The following PRPSAP2 variants were observed in gnomAD, a reference collection of about 807,000 sequenced individuals.
PRPSAP2 encodes the protein phosphoribosyl pyrophosphate synthase-associated protein 2.
PRPSAP2 carries 24 observed loss-of-function variants against 40.6 expected under a neutral mutation model. The observed-to-expected ratio is 0.59, with a 90% CI of 0.43 to 0.83. The LOEUF (loss-of-function observed/expected upper bound fraction) is 0.83, where lower values mean the gene tolerates loss of function less well. Among genes scored for constraint, PRPSAP2 ranks in the 40% least tolerant of loss-of-function variants. The probability of loss-of-function intolerance (pLI) is 0.00; values close to 1 mark genes in which losing one functional copy is unlikely to be tolerated. For missense variants in PRPSAP2, 292 were observed against 465.6 expected (o/e 0.63, Z 3.43); for synonymous variants, 149 against 164.7 (o/e 0.90, Z 0.73).
chr17:18,919,734 G>C (rs2151966327), intron 9 of PRPSAP2, among the ~76,000 whole-genome samples: 1 of 152,300 alleles, frequency 6.6e-6, no homozygotes, highest in East Asian at 1.9e-4. Context: ...TTTTAATTGA[G>C]TGATGATTTT....
At chr17:18,920,123 G>A (rs1204387942) in intron 9 of PRPSAP2, among the ~76,000 whole-genome samples, 1 of 152,182 alleles carries the variant, frequency 6.6e-6, no homozygotes, top group Non-Finnish European at 1.5e-5. Context: ...TGCAAGGGCT[G>A]GCTGGGACCA....
intron 3 of PRPSAP2, among the ~76,000 whole-genome samples, chr17:18,866,693 A>C (rs1168040573): frequency 1.3e-5 from 2 of 152,172 alleles, no homozygotes; most frequent in African/African-American, 4.8e-5. Context: ...GTTGGGGATT[A>C]TCAGTGAGTC....
At position 18,930,739 on chromosome 17, in the gene PRPSAP2, A is replaced by C. The variant is rs781305792; in HGVS notation, c.*41A>C. On this transcript the variant is annotated 3_prime_UTR_variant, in exon 12 of 12. Coordinates refer to ENST00000268835, the MANE Select transcript of PRPSAP2 (RefSeq NM_002767.4). ...AACTCCCGAGGGCCAAACTGGAAAC[A>C]TAAGAGTGACTGCTCGGTGGGATGG... The C allele has an allele frequency of 6.4e-7, 1 of 1,556,702 alleles. No individual in the cohort carries two copies. Among genetic ancestry groups the C allele is most frequent in the East Asian group, 2.3e-5 (1 of 44,304 alleles).
chr17:18,917,780 C>T (rs1343041861), intron 9 of PRPSAP2, among the ~76,000 whole-genome samples: 5 of 150,338 alleles, frequency 3.3e-5, no homozygotes, highest in South Asian at 2.1e-4. Context: ...GGGAAGTGGG[C>T]GCTGAGGAGA....
chr17:18,919,333 G>T (rs1166341995), intron 9 of PRPSAP2, among the ~76,000 whole-genome samples: 2 of 152,106 alleles, frequency 1.3e-5, no homozygotes, highest in African/African-American at 2.4e-5. Flanking sequence ...ATGGCGAAAC[G>T]CTGTCTCTAC....
chr17:18,913,638 C>G (rs1256004426), intron 9 of PRPSAP2, among the ~76,000 whole-genome samples: 3 of 148,512 alleles, frequency 2.0e-5, no homozygotes, highest in African/African-American at 7.4e-5. Context: ...AGTCTCACCT[C>G]CTGGGCCCAA....
chr17:18,914,143 C>T (rs62075159), intron 9 of PRPSAP2, among the ~76,000 whole-genome samples: 9,511 of 149,730 alleles, frequency 0.064, 368 homozygotes, highest in South Asian at 0.08. Context: ...ACTGTGCCAC[C>T]GTACTCCAGC....
intron 5 of PRPSAP2, among the ~76,000 whole-genome samples, chr17:18,875,585 T>C (rs1417795322): frequency 4.7e-5 from 7 of 148,738 alleles, no homozygotes; most frequent in Non-Finnish European, 7.4e-5. Context: ...AAAAAAAGGC[T>C]GGGCGAGGTG....
Position 18,872,504 on chromosome 17 carries a change from A to G in PRPSAP2, c.173-79A>G, listed in dbSNP as rs1024605631. 58 of 1,080,510 alleles carry G rather than the reference A, an allele frequency of 5.4e-5. No homozygotes were observed. In the South Asian group the frequency reaches 7.5e-4, roughly 14 times the overall value. 66.9% of individuals were successfully genotyped at this position (1,080,510 alleles called of 1,614,324 possible). A position where few individuals can be genotyped will look rare whatever the true frequency, so the allele number is the denominator to read the frequency against. The stretch of plus-strand genomic sequence containing the variant: ...TTGCCATATTCTATTACATTAGGGA[A>G]TAATACAGATTTTTTTGTGTATTTT... On this transcript the variant is annotated intron_variant, in intron 4 of 11. Transcript: ENST00000268835.
upstream of PRPSAP2, among the ~76,000 whole-genome samples, chr17:18,857,056 G>A (rs570097215): frequency 6.6e-6 from 1 of 152,152 alleles, no homozygotes; most frequent in Non-Finnish European, 1.5e-5. Context: ...GATAATGGCT[G>A]GGCGCGATGG....
chr17:18,887,215 G>A (rs904533424), intron 7 of PRPSAP2, among the ~76,000 whole-genome samples: 10 of 151,870 alleles, frequency 6.6e-5, no homozygotes, highest in Admixed American at 5.9e-4. Flanking sequence ...GATTACAAGC[G>A]TGAAGCCACC....
chr17:18,908,809 C>G (rs919011141), intron 8 of PRPSAP2: 6 of 721,730 alleles, frequency 8.3e-6, no homozygotes, highest in Non-Finnish European at 1.5e-5. Flanking sequence ...GGCGGAAAAG[C>G]TAGAAGCTCT....
chr17:18,902,635 C>T (rs142291541), intron 8 of PRPSAP2, among the ~76,000 whole-genome samples: 179 of 151,726 alleles, frequency 1.2e-3, no homozygotes, highest in Middle Eastern at 6.8e-3. Context: ...TTTGGGAGGC[C>T]GAGGGGGGTG....
In PRPSAP2 at chr17:18,883,403, C is replaced by CTTTTTT. The variant is rs3043912; in HGVS notation, c.528+730_528+735dup. 7.5e-5 allele frequency among the ~76,000 whole-genome samples: 10 copies of CTTTTTT among 134,210 alleles called. 1 individual carries two copies. Among genetic ancestry groups the CTTTTTT allele is most frequent in the East Asian group, 2.1e-4 (1 of 4,660 alleles). 88.0% of individuals were successfully genotyped at this position (134,210 alleles called of 152,430 possible). On this transcript the variant is annotated intron_variant, in intron 7 of 11. Transcript: ENST00000268835. ...ATTTTGCTTTTAGCTGTTTTTCTTT[C>CTTTTTT]TTTTTTTTTTTTTTTGGTGGGGGGT...
intron 5 of PRPSAP2, 24 bp downstream of exon 5, chr17:18,872,673 C>T (rs2037978695): frequency 1.3e-6 from 2 of 1,552,234 alleles, no homozygotes; most frequent in Non-Finnish European, 1.8e-6. Context: ...AAAAGTGTTG[C>T]TTTCTGGGTT....
At chr17:18,863,135 A>T (rs56767432) in intron 1 of PRPSAP2, among the ~76,000 whole-genome samples, 6 of 151,518 alleles carry the variant, frequency 4.0e-5, no homozygotes, top group African/African-American at 1.2e-4. Context: ...TTATTTATTT[A>T]TTTTTTTATT....
At chr17:18,873,157 C>T (rs982293883) in intron 5 of PRPSAP2, among the ~76,000 whole-genome samples, 2 of 144,642 alleles carry the variant, frequency 1.4e-5, no homozygotes, top group Admixed American at 7.0e-5. Flanking sequence ...GTGTTCTTAA[C>T]GGGTGGAAAT....
Position 18,903,207 on chromosome 17 carries a change from C to CATTTGAG in PRPSAP2, c.585-7896_585-7895insATTTGAG, listed in dbSNP as rs2040386542. On this transcript the variant is annotated intron_variant, in intron 8 of 11. Coordinates refer to ENST00000268835, the MANE Select transcript of PRPSAP2 (RefSeq NM_002767.4). ...CTTTGGGAGGCCGAGATGGGTGGAT[C>CATTTGAG]TCCTGAGGTCAGGAGAATTGCTTGA... Among the ~76,000 whole-genome samples the CATTTGAG allele has an allele frequency of 1.1e-3, 164 of 151,508 alleles. 2 individuals carry two copies. The highest frequency in any genetic ancestry group is 3.9e-3 in the African/African-American group (159 of 41,076).
At chr17:18,924,509 C>T (rs752553718) in intron 10 of PRPSAP2, among the ~76,000 whole-genome samples, 1 of 152,104 alleles carries the variant, frequency 6.6e-6, no homozygotes, top group African/African-American at 2.4e-5. Context: ...TGGCTCATGC[C>T]TGTAATCCCA....
Sources: allele counts gnomAD v4.1 joint callset (sites outside exome capture counted in the v4.1 genomes callset), GRCh38; gene constraint gnomAD v4.1.1; transcripts MANE v1.5; gene names NCBI Gene and HGNC (gene_info 2026-07-23, HGNC 2026-07-21).